The following ITM2B variants were observed in gnomAD, a reference collection of about 807,000 sequenced individuals.
The protein encoded by ITM2B is integral membrane protein 2B.
Under a neutral mutation model 27.8 loss-of-function variants are expected in ITM2B, and 11 were observed. The ratio of observed to expected loss-of-function variants is 0.40; its 90% CI spans 0.25 to 0.66. The LOEUF (loss-of-function observed/expected upper bound fraction) is 0.66. Among genes scored for constraint, ITM2B ranks in the 30% least tolerant of loss-of-function variants. The pLI is 0.43. For synonymous variants in ITM2B, 114 were observed against 114.3 expected (o/e 1.00, Z 0.02); for missense variants, 296 against 328.9 (o/e 0.90, Z 0.77).
intron 3 of ITM2B, among the ~76,000 whole-genome samples, chr13:48,257,468 A>G (rs9332288): frequency 6.6e-6 from 1 of 152,218 alleles, no homozygotes; most frequent in Non-Finnish European, 1.5e-5. Flanking sequence ...TACTGAAGTT[A>G]GCTTTGCAAA....
rs1951648757 is a variant in ITM2B at position 48,233,487 on chromosome 13, C to T, written c.117+10C>T. ...CGCGGTGGACTGCAAGGTCCGAGCC[C>T]GGGGAGGTCGAGGAAGCGGGTGCTG... On this transcript the variant is annotated intron_variant, in intron 1 of 5. Coordinates refer to ENST00000647800, the MANE Select transcript of ITM2B (RefSeq NM_021999.5). The T allele has an allele frequency of 2.7e-6, 4 of 1,504,804 alleles. No homozygotes were observed. Among genetic ancestry groups the T allele is most frequent in the Non-Finnish European group, 3.6e-6 (4 of 1,122,908 alleles). The allele number at this position is 1,504,804 out of a possible 1,614,324, so 93.2% of individuals were successfully genotyped here.
rs530120660 is a variant in ITM2B at position 48,242,377 on chromosome 13, G to A, written c.117+8900G>A. Reference sequence around the variant, plus strand: ...CTTTCTGTGTCTTCAAACTCACCAGGTAACTTACCAAGTTTCTTTCTTTCT... The same window carrying A: ...CTTTCTGTGTCTTCAAACTCACCAGATAACTTACCAAGTTTCTTTCTTTCT... On this transcript the variant is annotated intron_variant, in intron 1 of 5. Coordinates refer to ENST00000647800, the MANE Select transcript of ITM2B (RefSeq NM_021999.5). Among the ~76,000 whole-genome samples the A allele has an allele frequency of 7.2e-5, 11 of 151,728 alleles. No individual in the cohort carries two copies. The East Asian group carries it at 1.7e-3, about 24-fold the overall frequency.
chr13:48,264,841 C>G lies in ITM2B; in HGVS notation c.*3617C>G, dbSNP rs758661585. The G allele has an allele frequency of 3.9e-5, 6 of 152,110 alleles. No homozygotes were observed. The highest frequency in any genetic ancestry group is 8.8e-5 in the Non-Finnish European group (6 of 68,020). 9.4% of individuals were successfully genotyped at this position (152,110 alleles called of 1,614,324 possible). A position where few individuals can be genotyped will look rare whatever the true frequency, so the allele number is the denominator to read the frequency against. ...GATTTAGTCTCAGCTCTCTATTGAT[C>G]ATTTTAGGCTTTTATCTTACTGAAA... On this transcript the variant is annotated 3_prime_UTR_variant, in exon 6 of 6. Transcript: ENST00000647800.
chr13:48,259,671 G>A lies in ITM2B; in HGVS notation c.715+724G>A, dbSNP rs529301550. On this transcript the variant is annotated intron_variant, in intron 5 of 5. Coordinates refer to ENST00000647800, the MANE Select transcript of ITM2B (RefSeq NM_021999.5). The stretch of plus-strand genomic sequence containing the variant: ...TACTGTTCTCTCATCTCCGGCGGTT[G>A]AGTCATCTGAAACCAGCTTGATTTC... 4.0e-5 allele frequency among the ~76,000 whole-genome samples: 6 copies of A among 150,700 alleles called. No homozygotes were observed. In the East Asian group the frequency reaches 1.2e-3, roughly 29 times the overall value.
chr13:48,257,127 C>T (rs528055299), intron 3 of ITM2B, among the ~76,000 whole-genome samples: 5 of 151,880 alleles, frequency 3.3e-5, no homozygotes, highest in Non-Finnish European at 7.4e-5. Context: ...AATAGATTAA[C>T]GACAATAATA....
Position 48,268,143 on chromosome 13 carries a change from G to A in ITM2B, c.*6919G>A, listed in dbSNP as rs368861644. The A allele has an allele frequency of 3.9e-5, 6 of 151,996 alleles. No individual in the cohort carries two copies. Among genetic ancestry groups the A allele is most frequent in the African/African-American group, 9.7e-5 (4 of 41,368 alleles). The allele number at this position is 151,996 out of a possible 1,614,324, so 9.4% of individuals were successfully genotyped here. ...TCTTGAACTTTATTTGAATGGAATC[G>A]TACATATATAATCTTTTTGTTTGGC... On this transcript the variant is annotated 3_prime_UTR_variant, in exon 6 of 6. Transcript: ENST00000647800.
At chr13:48,235,959 T>G (rs1483914476) in intron 1 of ITM2B, among the ~76,000 whole-genome samples, 1 of 152,260 alleles carries the variant, frequency 6.6e-6, no homozygotes, top group Non-Finnish European at 1.5e-5. Context: ...ATCAGCTGGC[T>G]TATATAACAT....
intron 1 of ITM2B, among the ~76,000 whole-genome samples, chr13:48,241,474 A>G (rs552581280): frequency 2.6e-5 from 4 of 152,218 alleles, no homozygotes; most frequent in Admixed American, 2.6e-4. Context: ...GGCCTCTCAA[A>G]GTGCTGGGAT....
At chr13:48,240,485 A>G (rs1458607469) in intron 1 of ITM2B, among the ~76,000 whole-genome samples, 1 of 152,070 alleles carries the variant, frequency 6.6e-6, no homozygotes, top group Non-Finnish European at 1.5e-5. Context: ...TCTCCTCATC[A>G]TTCTTGTTTT....
chr13:48,262,285 A>AC lies in ITM2B; in HGVS notation c.*1066dup, dbSNP rs1405916341. On this transcript the variant is annotated 3_prime_UTR_variant, in exon 6 of 6. Transcript: ENST00000647800. ...TCCTCTCTGAAATAATTCAGAATCC[A>AC]CCCCCATTTAATAAAATACCTATGA... 6.6e-6 allele frequency: 1 copy of AC among 151,942 alleles called. No homozygotes were observed. The highest frequency in any genetic ancestry group is 1.5e-5 in the Non-Finnish European group (1 of 67,974). 9.4% of individuals were successfully genotyped at this position (151,942 alleles called of 1,614,324 possible).
Position 48,267,233 on chromosome 13 carries a change from A to C in ITM2B, c.*6009A>C, listed in dbSNP as rs1047094607. On this transcript the variant is annotated 3_prime_UTR_variant, in exon 6 of 6. Transcript: ENST00000647800. ...AGCCTTCAGACTAAGATGCAGGAAT[A>C]GTTTTCCATTTGGGTATGAATACGG... 6.6e-6 allele frequency: 1 copy of C among 152,186 alleles called. No homozygotes were observed. The highest frequency in any genetic ancestry group is 1.9e-4 in the East Asian group (1 of 5,196). The allele number at this position is 152,186 out of a possible 1,614,324, so 9.4% of individuals were successfully genotyped here.
rs1031566707 is a variant in ITM2B at position 48,262,196 on chromosome 13, T to A, written c.*972T>A. The A allele has an allele frequency of 1.3e-5, 2 of 152,130 alleles. No individual in the cohort carries two copies. The highest frequency in any genetic ancestry group is 4.8e-5 in the African/African-American group (2 of 41,450). 9.4% of individuals were successfully genotyped at this position (152,130 alleles called of 1,614,324 possible). On this transcript the variant is annotated 3_prime_UTR_variant, in exon 6 of 6. Coordinates refer to ENST00000647800, the MANE Select transcript of ITM2B (RefSeq NM_021999.5). Reference sequence around the variant, plus strand: ...TAAAATAACTGTGCTTCTCTGAGAATGCCCGCCTCACAAGTGGAACATTTT... The same window carrying A: ...TAAAATAACTGTGCTTCTCTGAGAAAGCCCGCCTCACAAGTGGAACATTTT...
chr13:48,254,754 G>T (rs975521774), intron 2 of ITM2B: 5 of 152,098 alleles, frequency 3.3e-5, no homozygotes, highest in African/African-American at 1.2e-4. Context: ...TCAATCACAT[G>T]TTGATAGACA....
At chr13:48,235,755 G>A (rs919874605) in intron 1 of ITM2B, among the ~76,000 whole-genome samples, 1 of 152,202 alleles carries the variant, frequency 6.6e-6, no homozygotes, top group African/African-American at 2.4e-5. Flanking sequence ...CCTTTGCCTG[G>A]TTGGTTGAAA....
At chr13:48,243,566 C>T (rs1362431077) in intron 1 of ITM2B, among the ~76,000 whole-genome samples, 2 of 152,056 alleles carry the variant, frequency 1.3e-5, no homozygotes, top group East Asian at 1.9e-4. Flanking sequence ...TGGTGGCTCA[C>T]GTCTATAATT....
At position 48,269,598 on chromosome 13, in the gene ITM2B, A is replaced by G. The variant is rs1951872946; in HGVS notation, c.*8374A>G. The G allele has an allele frequency of 6.6e-6, 1 of 152,350 alleles. No individual in the cohort carries two copies. The allele number at this position is 152,350 out of a possible 1,614,324, so 9.4% of individuals were successfully genotyped here. A position where few individuals can be genotyped will look rare whatever the true frequency, so the allele number is the denominator to read the frequency against. Reference sequence around the variant, plus strand: ...ACACAGCTGCCTCACTTTCCTTTGAACGTACCAAGGGCAATCCTGCTTCAG... The same window carrying G: ...ACACAGCTGCCTCACTTTCCTTTGAGCGTACCAAGGGCAATCCTGCTTCAG... On this transcript the variant is annotated 3_prime_UTR_variant, in exon 6 of 6. Coordinates refer to ENST00000647800, the MANE Select transcript of ITM2B (RefSeq NM_021999.5).
rs12871740 is a variant in ITM2B, at chr13:48,268,595, G to C, written c.*7371G>C. The C allele has an allele frequency of 0.37, 55,677 of 151,866 alleles. 11,754 individuals carry two copies. Among genetic ancestry groups the C allele is most frequent in the African/African-American group, 0.59 (24,574 of 41,408 alleles). The allele number at this position is 151,866 out of a possible 1,614,324, so 9.4% of individuals were successfully genotyped here. On this transcript the variant is annotated 3_prime_UTR_variant, in exon 6 of 6. Coordinates refer to ENST00000647800, the MANE Select transcript of ITM2B (RefSeq NM_021999.5). ...AAAGTGCTAGGATTACAAGTGTGAG[G>C]CACTGTGCCCTGCCAGTATTCCATT...
intron 2 of ITM2B, 23 bp from the exon 3 acceptor site, chr13:48,256,154 A>G: frequency 6.4e-7 from 1 of 1,555,608 alleles, no homozygotes. Context: ...AATTGCTGAA[A>G]TGAGTCTTTA....
intron 3 of ITM2B, 52 bp downstream of exon 3, chr13:48,256,435 C>T (rs774433204): frequency 9.1e-6 from 12 of 1,325,872 alleles, no homozygotes; most frequent in Non-Finnish European, 1.1e-5. Flanking sequence ...GTAGTTTATG[C>T]TTTTTGTAGT....
Sources: allele counts gnomAD v4.1 joint callset (sites outside exome capture counted in the v4.1 genomes callset), GRCh38; gene constraint gnomAD v4.1.1; transcripts MANE v1.5; gene names NCBI Gene and HGNC (gene_info 2026-07-23, HGNC 2026-07-21).